The following PHF3 variants were observed in gnomAD, a reference collection of about 807,000 sequenced individuals.
PHF3 encodes PHD finger protein 3.
In PHF3, 41 loss-of-function variants were observed where a neutral mutation model predicts 178.4. That is an observed-to-expected ratio of 0.23 (90% CI 0.18 to 0.30). PHF3 has a LOEUF of 0.30. Ranked by LOEUF, PHF3 falls within the 10% of genes least tolerant of loss-of-function variation. The pLI, the probability that PHF3 is intolerant of heterozygous loss-of-function variation, is 1.00. For synonymous variants in PHF3, 842 were observed against 800.5 expected (o/e 1.05, Z -0.88); for missense variants, 2,346 against 2,398.1 (o/e 0.98, Z 0.45).
chr6:63,675,634 G>C (rs943862628), intron 2 of PHF3, among the ~76,000 whole-genome samples: 5 of 152,174 alleles, frequency 3.3e-5, no homozygotes, highest in African/African-American at 1.2e-4. Flanking sequence ...AAAAAAAGAT[G>C]CATGCTTGGA....
chr6:63,707,452 G>T (rs142240290), intron 13 of PHF3, among the ~76,000 whole-genome samples: 2 of 152,272 alleles, frequency 1.3e-5, no homozygotes, highest in East Asian at 1.9e-4. Context: ...CTATTATGTG[G>T]TATTTATGGA....
chr6:63,644,972 C>G (rs1180918610), intron 1 of PHF3, among the ~76,000 whole-genome samples: 1 of 151,920 alleles, frequency 6.6e-6, no homozygotes. Flanking sequence ...CCTCCACTTC[C>G]CGGGCTTAAG....
In PHF3 at chr6:63,718,113, A is replaced by G. The variant is rs2149620498; in HGVS notation, c.*4405A>G. Among the ~76,000 whole-genome samples, 1 of 152,152 alleles carries G rather than the reference A, an allele frequency of 6.6e-6. No individual in the cohort carries two copies. Among genetic ancestry groups the G allele is most frequent in the South Asian group, 2.1e-4 (1 of 4,826 alleles). On this transcript the variant is annotated 3_prime_UTR_variant, in exon 16 of 16. Transcript: ENST00000262043. ...TTTCCAGGATTTTAAGGTGAAAAAT[A>G]TATTTTCAAGTCATTTTGATTTATA...
Position 63,712,997 on chromosome 6 carries a change from C to G in PHF3, c.5409C>G (p.Pro1803=), listed in dbSNP as rs373046522. 2 of 1,614,004 alleles carry G rather than the reference C, an allele frequency of 1.2e-6. No homozygotes were observed. Among genetic ancestry groups the G allele is most frequent in the South Asian group, 2.2e-5 (2 of 91,082 alleles). Residue 1803 remains proline (P), a synonymous_variant, in exon 16 of 16, where the codon CCC becomes CCG. Transcript: ENST00000262043. ...TTTCACCCATGAGGCCACAGCAGCCCAACCTTCAGCATCTCAAGTCTAGCC... is the reference window on the plus strand; with the variant it reads ...TTTCACCCATGAGGCCACAGCAGCCGAACCTTCAGCATCTCAAGTCTAGCC... ...TNFSPMRPQQ[P]NLQHLKSSPP...
At chr6:63,650,906 T>G (rs1352258224) in intron 2 of PHF3, among the ~76,000 whole-genome samples, 1 of 141,276 alleles carries the variant, frequency 7.1e-6, no homozygotes, top group African/African-American at 3.2e-5. Flanking sequence ...TTACTCCCTA[T>G]TTGTACTTTC....
Position 63,713,051 on chromosome 6 carries a change from T to A in PHF3, c.5463T>A (p.Pro1821=). The change falls in exon 16 of 16, where the codon CCT becomes CCA. Residue 1821 remains proline (P), a synonymous_variant. Coordinates refer to ENST00000262043, the MANE Select transcript of PHF3 (RefSeq NM_001370348.2). The part of the protein sequence containing the change: ...SPPGFPFPGP[P]NFPPQSMFGF... ...CTGGATTTCCATTTCCAGGGCCTCC[T>A]AATTTTCCCCCACAAAGCATGTTTG... is the stretch of plus-strand genomic sequence containing the variant. 1 of 1,614,000 alleles carries A rather than the reference T, an allele frequency of 6.2e-7. No individual in the cohort carries two copies. The highest frequency in any genetic ancestry group is 8.5e-7 in the Non-Finnish European group (1 of 1,179,970).
rs758551301 is a variant in PHF3 at position 63,680,105 on chromosome 6, A to G, written c.350A>G (p.Lys117Arg). 3 of 1,611,978 alleles carry G rather than the reference A, an allele frequency of 1.9e-6. No homozygotes were observed. In the South Asian group the frequency reaches 3.3e-5, roughly 18 times the overall value. ...TTACCTAACAGGAACTTAAGGGACA[A>G]GGTAGAAGAAAATTCAGTGAGATCT... ...LILPNRNLRD[K>R]VEENSVRSPR... Residue 117 changes from lysine to arginine, a missense_variant, in exon 3 of 16, where the codon AAG becomes AGG. Physicochemically the swap from Lys to Arg is conservative, Grantham distance 26 (BLOSUM62 2). Transcript: ENST00000262043.
Position 63,721,532 on chromosome 6 carries a change from A to T in PHF3, c.*7824A>T, listed in dbSNP as rs1420315601. ...CAGGTTCATTTTCTATTGCCATGGG[A>T]TTTACAAGATTTAAAGAAGATACTC... is the stretch of plus-strand genomic sequence containing the variant. On this transcript the variant is annotated 3_prime_UTR_variant, in exon 16 of 16. Transcript: ENST00000262043. The T allele has an allele frequency of 6.4e-7, 1 of 1,551,520 alleles. No homozygotes were observed. Among genetic ancestry groups the T allele is most frequent in the South Asian group, 1.2e-5 (1 of 84,056 alleles).
intron 14 of PHF3, among the ~76,000 whole-genome samples, chr6:63,709,626 G>A (rs1008869087): frequency 1.3e-5 from 2 of 152,170 alleles, no homozygotes; most frequent in Admixed American, 1.3e-4. Context: ...GAAGTTGATT[G>A]GAGTGTTGTC....
At chr6:63,661,437 C>T (rs1765461577) in intron 2 of PHF3, among the ~76,000 whole-genome samples, 2 of 152,030 alleles carry the variant, frequency 1.3e-5, no homozygotes, top group South Asian at 4.1e-4. Context: ...ATACAATGTC[C>T]TGAATGTAAA....
chr6:63,647,057 C>T (rs1380506192), intron 2 of PHF3, among the ~76,000 whole-genome samples: 2 of 151,366 alleles, frequency 1.3e-5, no homozygotes, highest in Non-Finnish European at 2.9e-5. Context: ...AATTTATTAT[C>T]CAGTATGGGA....
At chr6:63,672,765 G>T (rs1765975981) in intron 2 of PHF3, among the ~76,000 whole-genome samples, 1 of 152,150 alleles carries the variant, frequency 6.6e-6, no homozygotes, top group South Asian at 2.1e-4. Flanking sequence ...TAACTTGGGA[G>T]TATGTGCCTG....
rs1303152335 is a variant in PHF3 at position 63,722,601 on chromosome 6, A to T, written c.*8893A>T. On this transcript the variant is annotated 3_prime_UTR_variant, in exon 16 of 16. Coordinates refer to ENST00000262043, the MANE Select transcript of PHF3 (RefSeq NM_001370348.2). ...TTCACTGTAAGATTGCTTGAAGAGG[A>T]TAGCAAAATGACTTATTAATAATGA... Among the ~76,000 whole-genome samples the T allele has an allele frequency of 6.6e-6, 1 of 152,244 alleles. No homozygotes were observed. The highest frequency in any genetic ancestry group is 2.4e-5 in the African/African-American group (1 of 41,470).
At chr6:63,672,784 G>C (rs1370902846) in intron 2 of PHF3, among the ~76,000 whole-genome samples, 6 of 152,174 alleles carry the variant, frequency 3.9e-5, no homozygotes, top group African/African-American at 1.4e-4. Flanking sequence ...TGTAACAATA[G>C]CTGAGTATTG....
Position 63,720,886 on chromosome 6 carries a change from C to T in PHF3, c.*7178C>T, listed in dbSNP as rs1174639337. 4.5e-6 allele frequency: 7 copies of T among 1,550,980 alleles called. No individual in the cohort carries two copies. Among genetic ancestry groups the T allele is most frequent in the South Asian group, 2.4e-5 (2 of 84,048 alleles). ...TTGATAAGAGTCTGATTTTGAATTACAACTACATGGTGCCATTTATTACAA... is the reference window on the plus strand; with the variant it reads ...TTGATAAGAGTCTGATTTTGAATTATAACTACATGGTGCCATTTATTACAA... On this transcript the variant is annotated 3_prime_UTR_variant, in exon 16 of 16. Coordinates refer to ENST00000262043, the MANE Select transcript of PHF3 (RefSeq NM_001370348.2).
At chr6:63,648,882 C>A (rs1764899183) in intron 2 of PHF3, among the ~76,000 whole-genome samples, 1 of 151,912 alleles carries the variant, frequency 6.6e-6, no homozygotes, top group South Asian at 2.1e-4. Flanking sequence ...CTTAATAAGG[C>A]TTTTCTGTTT....
At position 63,685,534 on chromosome 6, in the gene PHF3, T is replaced by C; in HGVS notation, c.1812T>C (p.Pro604=). The C allele has an allele frequency of 6.2e-7, 1 of 1,614,150 alleles. No individual in the cohort carries two copies. The highest frequency in any genetic ancestry group is 1.1e-5 in the South Asian group (1 of 91,082). The change falls in exon 4 of 16, where the codon CCT becomes CCC. Residue 604 remains proline (P), a synonymous_variant. Coordinates refer to ENST00000262043, the MANE Select transcript of PHF3 (RefSeq NM_001370348.2). ...TGAGTGATAAGTCACACGCTCATCC[T>C]GGTTGCTTGAAAGAACCTCATCATC... ...HSLSDKSHAH[P]GCLKEPHHPA...
At chr6:63,657,062 C>G (rs1055713422) in intron 2 of PHF3, among the ~76,000 whole-genome samples, 2 of 152,146 alleles carry the variant, frequency 1.3e-5, no homozygotes, top group Non-Finnish European at 2.9e-5. Flanking sequence ...GGGAACTTTT[C>G]TTGTGTTTTC....
intron 2 of PHF3, among the ~76,000 whole-genome samples, chr6:63,677,432 AAG>A (rs905665245): frequency 6.6e-6 from 1 of 152,168 alleles, no homozygotes; most frequent in Non-Finnish European, 1.5e-5. Flanking sequence ...AGTGAAAAAA[AAG>A]GAGATTCAGA....
Sources: gnomAD v4.1 joint callset for allele counts (sites outside exome capture counted in the v4.1 genomes callset) on GRCh38, gnomAD v4.1.1 for gene constraint, MANE v1.5 for transcripts, NCBI Gene and HGNC (gene_info 2026-07-23, HGNC 2026-07-21) for gene names.